Variants in RASGRF1 observed in about 807,000 individuals in gnomAD.
The protein encoded by RASGRF1 is ras-specific guanine nucleotide-releasing factor 1.
Under a neutral mutation model 138.7 loss-of-function variants are expected in RASGRF1, and 40 were observed. The ratio of observed to expected loss-of-function variants is 0.29; its 90% confidence interval spans 0.22 to 0.38. The LOEUF is 0.38. RASGRF1 is among the 10% of genes least tolerant of loss of function. The pLI is 1.00. For missense variants in RASGRF1, 1,108 were observed against 1,650.4 expected, an observed-to-expected ratio of 0.67 and a Z score of 5.69; for synonymous variants, 614 against 663.2, an observed-to-expected ratio of 0.93 and a Z score of 1.14.
intron 21 of RASGRF1, among the ~76,000 whole-genome samples, 173 bp from the exon 22 acceptor site, chr15:78,990,446 T>G (rs2056245695): frequency 6.6e-6 from 1 of 152,238 alleles, no homozygotes; most frequent in South Asian, 2.1e-4. Context: ...CAGCTCTGCC[T>G]TGTCGCAGCT....
intron 22 of RASGRF1, among the ~76,000 whole-genome samples, chr15:78,987,476 A>T (rs2056183254): frequency 6.6e-6 from 1 of 152,066 alleles, no homozygotes; most frequent in East Asian, 1.9e-4. Context: ...CGGGTGGATC[A>T]CCTGAGGTCC....
chr15:79,056,595 C>T (rs2057514343), intron 3 of RASGRF1, among the ~76,000 whole-genome samples: 2 of 152,176 alleles, frequency 1.3e-5, no homozygotes, highest in Admixed American at 1.3e-4. Flanking sequence ...TCTGGTTTCT[C>T]CTGTGAAATG....
chr15:78,978,515 G>A, intron 24 of RASGRF1: 1 of 984,588 alleles, frequency 1.0e-6, no homozygotes, highest in Non-Finnish European at 1.2e-6. Flanking sequence ...ATGAGCCACT[G>A]TGCCTAGCCC....
Position 78,980,717 on chromosome 15 carries a change from C to G in RASGRF1, c.3415-18G>C. 6.4e-7 allele frequency: 1 copy of G among 1,563,118 alleles called. No individual in the cohort carries two copies. Among genetic ancestry groups the G allele is most frequent in the Non-Finnish European group, 8.8e-7 (1 of 1,136,564 alleles). On this transcript the variant is annotated intron_variant, in intron 23 of 26. Transcript: ENST00000558480. ...GCTTTAGTCTAGAAGGAAGCAGAAGCATTTACTAACACACAGCACACGCTG... is the reference window on the plus strand; with the variant it reads ...GCTTTAGTCTAGAAGGAAGCAGAAGGATTTACTAACACACAGCACACGCTG...
At chr15:79,065,699 G>A in intron 1 of RASGRF1, among the ~76,000 whole-genome samples, 1 of 151,988 alleles carries the variant, frequency 6.6e-6, no homozygotes, top group Non-Finnish European at 1.5e-5. Context: ...ACAAAGAGGG[G>A]CCCTTAGGTC....
At chr15:79,083,197 A>G (rs1386133061) in intron 1 of RASGRF1, among the ~76,000 whole-genome samples, 10 of 152,224 alleles carry the variant, frequency 6.6e-5, no homozygotes, top group Admixed American at 6.5e-4. Context: ...CTGGAAATGA[A>G]GGCTGCATGT....
At chr15:79,014,339 C>T (rs987812422) in intron 13 of RASGRF1, among the ~76,000 whole-genome samples, 3 of 152,164 alleles carry the variant, frequency 2.0e-5, no homozygotes, top group African/African-American at 7.2e-5. Context: ...GGAACTAACC[C>T]AAATGTCCAT....
At chr15:79,059,813 C>T (rs1595951156) in intron 2 of RASGRF1, among the ~76,000 whole-genome samples, 1 of 152,186 alleles carries the variant, frequency 6.6e-6, no homozygotes, top group East Asian at 1.9e-4. Flanking sequence ...AACATTGTGT[C>T]TCTACATGAT....
chr15:79,026,379 T>G (rs2057053750), intron 9 of RASGRF1, among the ~76,000 whole-genome samples: 1 of 152,234 alleles, frequency 6.6e-6, no homozygotes, highest in African/African-American at 2.4e-5. Flanking sequence ...AAAGCCCTCG[T>G]GACTCTCTTG....
intron 6 of RASGRF1, among the ~76,000 whole-genome samples, chr15:79,033,903 A>T (rs915056976): frequency 6.6e-6 from 1 of 152,210 alleles, no homozygotes; most frequent in Non-Finnish European, 1.5e-5. Flanking sequence ...ACATCTTCTT[A>T]TAAGTCCCAT....
chr15:79,076,407 T>C (rs2057834321), intron 1 of RASGRF1, among the ~76,000 whole-genome samples: 1 of 152,148 alleles, frequency 6.6e-6, no homozygotes, highest in African/African-American at 2.4e-5. Context: ...GTTGTTGTCA[T>C]ACTAGAAACC....
chr15:79,009,011 C>A (rs2056741108), intron 13 of RASGRF1, among the ~76,000 whole-genome samples: 1 of 152,094 alleles, frequency 6.6e-6, no homozygotes, highest in African/African-American at 2.4e-5. Context: ...GTGATGACAC[C>A]TCTGTCATCT....
chr15:79,078,750 G>A (rs376971039), intron 1 of RASGRF1, among the ~76,000 whole-genome samples: 2 of 152,224 alleles, frequency 1.3e-5, no homozygotes, highest in African/African-American at 2.4e-5. Flanking sequence ...TTCCTGGGCC[G>A]TGGTGGCCGC....
intron 1 of RASGRF1, 60 bp from the exon 2 acceptor site, chr15:79,064,586 T>C: frequency 6.6e-7 from 1 of 1,511,214 alleles, no homozygotes; most frequent in East Asian, 2.3e-5. Flanking sequence ...ACAACGACTC[T>C]TGCAATCAAT....
intron 5 of RASGRF1, among the ~76,000 whole-genome samples, chr15:79,036,856 C>A (rs571539054): frequency 2.8e-4 from 42 of 151,994 alleles, no homozygotes; most frequent in Middle Eastern, 3.4e-3. Context: ...GGCTAAAGGG[C>A]GAAACTAGCA....
chr15:79,083,345 C>T (rs1023702392), intron 1 of RASGRF1, among the ~76,000 whole-genome samples: 1 of 152,206 alleles, frequency 6.6e-6, no homozygotes, highest in South Asian at 2.1e-4. Flanking sequence ...CAAGTCCACG[C>T]GTCACTAGTG....
At position 79,090,320 on chromosome 15, in the gene RASGRF1, G is replaced by C; in HGVS notation, c.179C>G (p.Ser60Trp). The change falls in exon 1 of 27, where the codon TCG becomes TGG. Residue 60 changes from serine (S) to tryptophan (W), a missense_variant. Coordinates refer to ENST00000558480, the MANE Select transcript of RASGRF1 (RefSeq NM_001145648.3). The stretch of plus-strand genomic sequence containing the variant: ...CAGCAGGTAAAGCCCCGAGGGCCGC[G>C]AGCTCGAGTCGCTCTCGAAGTAGAA... The part of the protein sequence containing the change: ...LLFYFESDSS[S>W]RPSGLYLLEG... 1.2e-6 allele frequency: 2 copies of C among 1,613,868 alleles called. No individual in the cohort carries two copies. The highest frequency in any genetic ancestry group is 1.7e-6 in the Non-Finnish European group (2 of 1,179,966).
intron 1 of RASGRF1, among the ~76,000 whole-genome samples, chr15:79,067,100 G>A (rs572868961): frequency 6.6e-6 from 1 of 152,320 alleles, no homozygotes; most frequent in Non-Finnish European, 1.5e-5. Context: ...GACCCTGAGT[G>A]ACTGACAGGC....
intron 12 of RASGRF1, among the ~76,000 whole-genome samples, chr15:79,016,132 A>G (rs1008217430): frequency 2.0e-5 from 3 of 152,194 alleles, no homozygotes; most frequent in African/African-American, 7.2e-5. Context: ...CTGGGTCTTC[A>G]CATTTCTGCC....
Sources: allele counts gnomAD v4.1 joint callset (sites outside exome capture counted in the v4.1 genomes callset), GRCh38; gene constraint gnomAD v4.1.1; transcripts MANE v1.5; gene names NCBI Gene and HGNC (gene_info 2026-07-23, HGNC 2026-07-21).